Variants in CAMTA1 observed in about 807,000 individuals in gnomAD.
CAMTA1 encodes calmodulin-binding transcription activator 1.
Under a neutral mutation model 170.9 loss-of-function variants are expected in CAMTA1, and 27 were observed. The observed-to-expected ratio is 0.16, with a 90% CI of 0.12 to 0.22. The LOEUF is 0.22. Ranked by LOEUF, CAMTA1 falls within the 10% of genes least tolerant of loss-of-function variation. The pLI, the probability that CAMTA1 is intolerant of heterozygous loss-of-function variation, is 1.00. For synonymous variants in CAMTA1, 833 were observed against 891.5 expected (o/e 0.93, Z 1.17); for missense variants, 1,619 against 2,217.2 (o/e 0.73, Z 5.42).
At chr1:7,165,301 A>G (rs77469149) in intron 4 of CAMTA1, among the ~76,000 whole-genome samples, 1,716 of 152,330 alleles carry the variant, frequency 0.011, 34 homozygotes, top group African/African-American at 0.038. Flanking sequence ...AGCTTTCTTG[A>G]TCAAATCTTA....
chr1:7,276,689 T>C (rs1232113568), intron 5 of CAMTA1, among the ~76,000 whole-genome samples: 1 of 152,124 alleles, frequency 6.6e-6, no homozygotes, highest in Non-Finnish European at 1.5e-5. Flanking sequence ...TCACTGCTTC[T>C]ATTCAATATT....
intron 9 of CAMTA1, among the ~76,000 whole-genome samples, chr1:7,668,577 C>T (rs2149201559): frequency 6.6e-6 from 1 of 152,206 alleles, no homozygotes; most frequent in Non-Finnish European, 1.5e-5. Context: ...GCGTCATCTC[C>T]CACCACTGAC....
intron 5 of CAMTA1, among the ~76,000 whole-genome samples, chr1:7,265,130 C>A (rs1238536435): frequency 6.6e-6 from 1 of 152,110 alleles, no homozygotes; most frequent in Non-Finnish European, 1.5e-5. Flanking sequence ...GTGCCACCCA[C>A]TCAGGGTCAG....
At chr1:7,143,897 C>T (rs950275293) in intron 4 of CAMTA1, among the ~76,000 whole-genome samples, 2 of 152,142 alleles carry the variant, frequency 1.3e-5, no homozygotes, top group African/African-American at 4.8e-5. Context: ...TCCTTTAATT[C>T]TGTGAAATAG....
At chr1:6,921,111 T>G (rs1038628690) in intron 3 of CAMTA1, among the ~76,000 whole-genome samples, 1 of 152,256 alleles carries the variant, frequency 6.6e-6, no homozygotes, top group African/African-American at 2.4e-5. Flanking sequence ...GTTTCCCTTT[T>G]GAAACTGAAT....
At chr1:7,215,684 G>T (rs1659632816) in intron 4 of CAMTA1, among the ~76,000 whole-genome samples, 1 of 152,168 alleles carries the variant, frequency 6.6e-6, no homozygotes, top group South Asian at 2.1e-4. Context: ...GTGAGCCACC[G>T]TGCCTTACCT....
intron 3 of CAMTA1, among the ~76,000 whole-genome samples, chr1:6,977,253 A>C (rs544191738): frequency 6.6e-6 from 1 of 152,010 alleles, no homozygotes; most frequent in Admixed American, 6.5e-5. Context: ...CCAGCACAAC[A>C]GTAACTACAG....
At chr1:6,838,864 CT>C (rs1654440564) in intron 3 of CAMTA1, among the ~76,000 whole-genome samples, 1 of 152,136 alleles carries the variant, frequency 6.6e-6, no homozygotes, top group South Asian at 2.1e-4. Flanking sequence ...CCAAGAGATC[CT>C]CCTGCCTCAG....
At chr1:6,883,293 C>A (rs1480136112) in intron 3 of CAMTA1, among the ~76,000 whole-genome samples, 1 of 152,090 alleles carries the variant, frequency 6.6e-6, no homozygotes, top group Non-Finnish European at 1.5e-5. Context: ...GGTAGCGGGG[C>A]GATCGTTGGT....
chr1:7,201,556 T>A (rs1449643388), intron 4 of CAMTA1, among the ~76,000 whole-genome samples: 1 of 152,208 alleles, frequency 6.6e-6, no homozygotes, highest in Admixed American at 6.5e-5. Flanking sequence ...ATTATCTGAC[T>A]TTCAGATTCT....
chr1:6,787,572 A>G (rs556892953), intron 1 of CAMTA1, among the ~76,000 whole-genome samples: 5 of 152,332 alleles, frequency 3.3e-5, no homozygotes, highest in South Asian at 2.1e-4. Context: ...TTTTGGGTGC[A>G]TATGGGGACC....
chr1:7,370,914 C>CTTTCT (rs763145705), intron 5 of CAMTA1, among the ~76,000 whole-genome samples: 2 of 110,008 alleles, frequency 1.8e-5, no homozygotes, highest in African/African-American at 7.1e-5. Context: ...TTCTTTCTTT[C>CTTTCT]TTTTTTTTTT....
At chr1:7,500,313 C>T (rs991454605) in intron 6 of CAMTA1, among the ~76,000 whole-genome samples, 6 of 123,560 alleles carry the variant, frequency 4.9e-5, no homozygotes, top group Middle Eastern at 5.6e-3. Context: ...CATGTGTGTC[C>T]GTGAGCGAGT....
chr1:6,810,384 A>G (rs1423003648), intron 1 of CAMTA1, among the ~76,000 whole-genome samples: 2 of 152,238 alleles, frequency 1.3e-5, no homozygotes, highest in African/African-American at 4.8e-5. Flanking sequence ...AGCTTGCTTC[A>G]TCAGAGCCAG....
intron 3 of CAMTA1, among the ~76,000 whole-genome samples, chr1:6,846,960 G>A (rs1658412684): frequency 6.6e-6 from 1 of 151,564 alleles, no homozygotes; most frequent in Non-Finnish European, 1.5e-5. Flanking sequence ...ATGTATCTGC[G>A]GCAAAAAGGA....
chr1:7,746,940 A>G (rs1449325448), intron 18 of CAMTA1, among the ~76,000 whole-genome samples: 1 of 152,126 alleles, frequency 6.6e-6, no homozygotes, highest in African/African-American at 2.4e-5. Flanking sequence ...CCCAGCCTTG[A>G]TTTTCCTATT....
chr1:7,584,843 G>A (rs914110574), intron 6 of CAMTA1, among the ~76,000 whole-genome samples: 1 of 152,164 alleles, frequency 6.6e-6, no homozygotes, highest in Non-Finnish European at 1.5e-5. Context: ...GGTGGGTGGA[G>A]GCCGGGGACA....
chr1:6,814,084 A>G (rs538728510), intron 1 of CAMTA1, among the ~76,000 whole-genome samples: 36 of 152,300 alleles, frequency 2.4e-4, no homozygotes, highest in Admixed American at 2.3e-3. Context: ...ACATCCTTTC[A>G]AGGATGCATT....
intron 5 of CAMTA1, among the ~76,000 whole-genome samples, chr1:7,287,251 CCT>C (rs1672477193): frequency 6.6e-6 from 1 of 152,054 alleles, no homozygotes; most frequent in Admixed American, 6.5e-5. Flanking sequence ...CAAGGGCGCC[CCT>C]GTGTTCTGCA....
Sources: gnomAD v4.1 joint callset for allele counts (sites outside exome capture counted in the v4.1 genomes callset) on GRCh38, gnomAD v4.1.1 for gene constraint, MANE v1.5 for transcripts, NCBI Gene and HGNC (gene_info 2026-07-23, HGNC 2026-07-21) for gene names.